FHIT: variants seen among roughly 807,000 people sequenced by gnomAD.
The protein encoded by FHIT is fragile histidine triad diadenosine triphosphatase, also known as bis(5'-adenosyl)-triphosphatase.
In FHIT, 19 loss-of-function variants were observed where a neutral mutation model predicts 17.9. The ratio of observed to expected loss-of-function variants is 1.06; its 90% CI spans 0.74 to 1.56. The LOEUF is 1.56. FHIT is among the 40% of genes most tolerant of loss of function. The probability of loss-of-function intolerance (pLI) is 0.00; values close to 1 mark genes in which losing one functional copy is unlikely to be tolerated. For synonymous variants in FHIT, 81 were observed against 69.7 expected, an observed-to-expected ratio of 1.16 and a Z score of -0.81; for missense variants, 248 against 189.2, an observed-to-expected ratio of 1.31 and a Z score of -1.82.
At chr3:60,979,481 A>C (rs1158019120) in intron 3 of FHIT, among the ~76,000 whole-genome samples, 2 of 152,206 alleles carry the variant, frequency 1.3e-5, no homozygotes, top group Non-Finnish European at 2.9e-5. Flanking sequence ...GTAGAGACAA[A>C]GAGGGAAATA....
At chr3:60,314,640 T>C (rs140776706) in intron 5 of FHIT, among the ~76,000 whole-genome samples, 356 of 152,326 alleles carry the variant, frequency 2.3e-3, no homozygotes, top group African/African-American at 8.1e-3. Context: ...TGATCTGAAC[T>C]GTTAAAAACT....
chr3:60,215,202 A>ACT, intron 5 of FHIT, among the ~76,000 whole-genome samples: 1 of 152,272 alleles, frequency 6.6e-6, no homozygotes, highest in East Asian at 1.9e-4. Context: ...ATTCAATTAA[A>ACT]AAAAATAGGC....
At chr3:60,440,778 A>G (rs1272745594) in intron 5 of FHIT, among the ~76,000 whole-genome samples, 1 of 152,034 alleles carries the variant, frequency 6.6e-6, no homozygotes, top group Non-Finnish European at 1.5e-5. Context: ...ATTTCAGTAT[A>G]TTTTTAATAA....
intron 5 of FHIT, among the ~76,000 whole-genome samples, chr3:60,175,255 T>G (rs578016704): frequency 6.6e-6 from 1 of 152,280 alleles, no homozygotes; most frequent in East Asian, 1.9e-4. Flanking sequence ...TCCTAATATG[T>G]TTGCACAAAG....
chr3:61,181,441 C>G (rs944470511), intron 2 of FHIT, among the ~76,000 whole-genome samples: 1 of 152,078 alleles, frequency 6.6e-6, no homozygotes, highest in Non-Finnish European at 1.5e-5. Context: ...CCTTCTGGTA[C>G]TTGAAGGAAG....
intron 2 of FHIT, among the ~76,000 whole-genome samples, chr3:61,092,956 T>C (rs1575998718): frequency 1.3e-5 from 2 of 152,192 alleles, no homozygotes; most frequent in South Asian, 4.1e-4. Context: ...TCTGATTAAT[T>C]TGAAGCCCTA....
intron 1 of FHIT, among the ~76,000 whole-genome samples, chr3:61,230,769 T>G (rs2040080044): frequency 6.6e-6 from 1 of 152,194 alleles, no homozygotes; most frequent in Admixed American, 6.5e-5. Context: ...TTAGCAATCC[T>G]ATGTCAGCTC....
chr3:60,255,589 C>T (rs1056237660), intron 5 of FHIT, among the ~76,000 whole-genome samples: 3 of 151,974 alleles, frequency 2.0e-5, no homozygotes, highest in Non-Finnish European at 4.4e-5. Flanking sequence ...TTCCAAAAGC[C>T]GCCCCAAATC....
intron 3 of FHIT, among the ~76,000 whole-genome samples, chr3:60,929,255 A>G (rs1707820035): frequency 6.6e-6 from 1 of 152,230 alleles, no homozygotes; most frequent in Non-Finnish European, 1.5e-5. Flanking sequence ...AGCCAATATC[A>G]TACTGAATGG....
intron 2 of FHIT, among the ~76,000 whole-genome samples, chr3:61,111,088 T>G (rs1260706065): frequency 6.6e-6 from 1 of 152,218 alleles, no homozygotes; most frequent in African/African-American, 2.4e-5. Context: ...GAATAAGCTA[T>G]ATACATTCTA....
intron 5 of FHIT, among the ~76,000 whole-genome samples, chr3:60,363,723 T>C (rs1470199402): frequency 1.3e-5 from 2 of 152,176 alleles, no homozygotes; most frequent in Non-Finnish European, 2.9e-5. Context: ...CCCAGGAGTC[T>C]GGCCTCCGTG....
At chr3:60,238,283 A>G (rs17062579) in intron 5 of FHIT, among the ~76,000 whole-genome samples, 5,876 of 152,100 alleles carry the variant, frequency 0.039, 361 homozygotes, top group African/African-American at 0.14. Context: ...AAAGCCCTTA[A>G]GTATTAATGT....
chr3:60,519,857 A>G (rs931520842), intron 5 of FHIT, among the ~76,000 whole-genome samples: 1 of 152,156 alleles, frequency 6.6e-6, no homozygotes, highest in African/African-American at 2.4e-5. Context: ...AAGAAAAATG[A>G]GAACCATGAG....
At position 60,342,543 on chromosome 3, in the gene FHIT, G is replaced by T. The variant is rs78356593; in HGVS notation, c.103+194317C>A. Among the ~76,000 whole-genome samples, 477 of 152,266 alleles carry T rather than the reference G, an allele frequency of 3.1e-3. 3 individuals are homozygous for T. The highest frequency in any genetic ancestry group is 0.011 in the African/African-American group (456 of 41,556). On this transcript the variant is annotated intron_variant, in intron 5 of 9. Transcript: ENST00000492590. ...ATTATTGTGAAGCTTTTAATAGATT[G>T]AATATTCTTCTCTTCTGATCAACAG...
chr3:59,780,141 G>A (rs973887052), intron 8 of FHIT, among the ~76,000 whole-genome samples: 3 of 152,082 alleles, frequency 2.0e-5, no homozygotes, highest in African/African-American at 7.2e-5. Flanking sequence ...TGACAAGTAG[G>A]GATTTTTGGT....
chr3:60,407,067 ATTTTTTTTTTT>A (rs34542104), intron 5 of FHIT, among the ~76,000 whole-genome samples: 7 of 62,878 alleles, frequency 1.1e-4, no homozygotes, highest in East Asian at 5.0e-4. Context: ...CCTGCCAATA[ATTTTTTTTTTT>A]TTTTTTTTTT....
At chr3:60,086,897 GTAGCTCCACTTCCA>G (rs1287792145) in intron 5 of FHIT, among the ~76,000 whole-genome samples, 2 of 152,162 alleles carry the variant, frequency 1.3e-5, no homozygotes, top group African/African-American at 4.8e-5. Flanking sequence ...AGTCCCTTTG[GTAGCTCCACTTCCA>G]TAGCTCCACT....
intron 8 of FHIT, among the ~76,000 whole-genome samples, chr3:59,760,222 G>A (rs1255578611): frequency 6.6e-6 from 1 of 152,086 alleles, no homozygotes; most frequent in Non-Finnish European, 1.5e-5. Flanking sequence ...TTAATTAGTG[G>A]CATCCCATTT....
intron 4 of FHIT, among the ~76,000 whole-genome samples, chr3:60,559,857 G>A (rs1055653275): frequency 6.6e-6 from 1 of 152,096 alleles, no homozygotes; most frequent in Non-Finnish European, 1.5e-5. Context: ...TCAGCTTATT[G>A]CTAAGATGTT....
Sources: gnomAD v4.1 joint callset for allele counts (sites outside exome capture counted in the v4.1 genomes callset) on GRCh38, gnomAD v4.1.1 for gene constraint, MANE v1.5 for transcripts, NCBI Gene and HGNC (gene_info 2026-07-23, HGNC 2026-07-21) for gene names.